ARHGEF17: variants seen among roughly 807,000 people sequenced by gnomAD.
The protein encoded by ARHGEF17 is 164 kDa Rho-specific guanine-nucleotide exchange factor.
Under a neutral mutation model 174.0 loss-of-function variants are expected in ARHGEF17, and 80 were observed. That is an observed-to-expected ratio of 0.46 (90% confidence interval 0.38 to 0.55). The LOEUF (loss-of-function observed/expected upper bound fraction) is 0.55. ARHGEF17 is among the 20% of genes least tolerant of loss of function. The pLI, the probability that ARHGEF17 is intolerant of heterozygous loss-of-function variation, is 0.00. For synonymous variants in ARHGEF17, 1,311 were observed against 1,189.1 expected (o/e 1.10, Z -2.11); for missense variants, 2,886 against 2,839.7 (o/e 1.02, Z -0.37).
chr11:73,313,793 C>A (rs180688676), intron 1 of ARHGEF17, among the ~76,000 whole-genome samples: 4 of 152,236 alleles, frequency 2.6e-5, no homozygotes, highest in African/African-American at 9.6e-5. Flanking sequence ...TCCATCATAT[C>A]CCTGCTCTGT....
At chr11:73,329,322 C>CGT (rs1314272506) in intron 1 of ARHGEF17, among the ~76,000 whole-genome samples, 13 of 15,314 alleles carry the variant, frequency 8.5e-4, no homozygotes, top group African/African-American at 2.9e-3. Flanking sequence ...TGAGAGCTTT[C>CGT]ATATATATAT....
chr11:73,332,363 G>A (rs991691047), intron 1 of ARHGEF17, among the ~76,000 whole-genome samples: 3 of 69,770 alleles, frequency 4.3e-5, no homozygotes, highest in African/African-American at 1.8e-4. Flanking sequence ...GTGTGTGTGT[G>A]TGTGTGTGTG....
At chr11:73,356,584 G>A (rs552048364) in intron 6 of ARHGEF17, 125 bp from the exon 7 acceptor site, 3 of 1,315,196 alleles carry the variant, frequency 2.3e-6, no homozygotes, top group African/African-American at 1.4e-5. Context: ...GGGCATTGAG[G>A]GTGGGAAGCA....
chr11:73,356,126 GCCC>G (rs751130805), intron 5 of ARHGEF17, 46 bp from the exon 6 acceptor site: 1 of 1,605,062 alleles, frequency 6.2e-7, no homozygotes, highest in Non-Finnish European at 8.5e-7. Flanking sequence ...GCAGTCTGGG[GCCC>G]CAGGGGTAGC....
chr11:73,352,916 G>A lies in ARHGEF17; in HGVS notation c.3357G>A (p.Glu1119=), dbSNP rs764825146. The part of the protein sequence containing the change: ...LVDEIFDQIP[E]LLEHHEQFLE... ...ACGAGATCTTCGACCAGATCCCCGA[G>A]CTCCTGGAGCACCACGAGCAATTCC... is the stretch of plus-strand genomic sequence containing the variant. Residue 1119 remains glutamate (E), a synonymous_variant, in exon 3 of 21, where the codon GAG becomes GAA. Coordinates refer to ENST00000263674, the MANE Select transcript of ARHGEF17 (RefSeq NM_014786.4). 32 of 1,614,050 alleles carry A rather than the reference G, an allele frequency of 2.0e-5. No individual in the cohort carries two copies. Among genetic ancestry groups the A allele is most frequent in the Non-Finnish European group, 5.9e-6 (7 of 1,180,056 alleles).
intron 1 of ARHGEF17, among the ~76,000 whole-genome samples, chr11:73,327,288 G>A (rs1017188904): frequency 6.6e-6 from 1 of 152,248 alleles, no homozygotes; most frequent in Non-Finnish European, 1.5e-5. Context: ...CCCTGTCTCA[G>A]CCCAGCTCAG....
intron 20 of ARHGEF17, among the ~76,000 whole-genome samples, chr11:73,366,901 G>A (rs1865848672): frequency 6.6e-6 from 1 of 152,164 alleles, no homozygotes; most frequent in South Asian, 2.1e-4. Context: ...CTAGCTGGGT[G>A]TGGTGGCGGG....
In ARHGEF17 at chr11:73,310,070, C is replaced by G. The variant is rs1212245878; in HGVS notation, c.1432C>G (p.Leu478Val). 2 of 1,614,208 alleles carry G rather than the reference C, an allele frequency of 1.2e-6. No homozygotes were observed. Among genetic ancestry groups the G allele is most frequent in the Non-Finnish European group, 8.5e-7 (1 of 1,180,026 alleles). Residue 478 changes from leucine to valine, a missense_variant, in exon 1 of 21, where the codon CTG becomes GTG. Physicochemically the swap from Leu to Val is conservative, Grantham distance 32 (BLOSUM62 1). Transcript: ENST00000263674. ...AGAGACCCTGACGCTTCTCAGTTTC[C>G]TGCGCTCAGACCTTTCAGAGCTGAG... ...ASETLTLLSF[L>V]RSDLSELRVR...
At position 73,357,009 on chromosome 11, in the gene ARHGEF17, G is replaced by A. The variant is rs1865653878; in HGVS notation, c.3892-16G>A. On this transcript the variant is annotated splice_polypyrimidine_tract_variant and intron_variant, in intron 7 of 20. Coordinates refer to ENST00000263674, the MANE Select transcript of ARHGEF17 (RefSeq NM_014786.4). ...ACTGTGTCCACCCAGCCTGAATTCT[G>A]CCTTGGGCTCCACAGAAGGCGATCG... is the stretch of plus-strand genomic sequence containing the variant. 6.2e-7 allele frequency: 1 copy of A among 1,613,582 alleles called. No individual in the cohort carries two copies. The highest frequency in any genetic ancestry group is 1.7e-5 in the Admixed American group (1 of 59,988).
At chr11:73,359,460 C>T (rs1172611975) in intron 9 of ARHGEF17, among the ~76,000 whole-genome samples, 1 of 152,242 alleles carries the variant, frequency 6.6e-6, no homozygotes, top group Admixed American at 6.5e-5. Context: ...CATTTGACTG[C>T]CTGGGGCTCT....
chr11:73,352,156 C>T (rs899749361), intron 2 of ARHGEF17, among the ~76,000 whole-genome samples: 1 of 152,016 alleles, frequency 6.6e-6, no homozygotes, highest in African/African-American at 2.4e-5. Context: ...AACCCTGTCT[C>T]TATGAAAAAT....
rs1281721833 is a variant in ARHGEF17 at position 73,362,597 on chromosome 11, C to T, written c.4859C>T (p.Thr1620Met). The part of the protein sequence containing the change: ...ISIAGSGLEM[T>M]PGLGEGDPRP... ...ATTGCAGGCTCGGGCTTGGAGATGA[C>T]GCCGGGCCTCGGCGAGGGTGACCCC... is the stretch of plus-strand genomic sequence containing the variant. The change falls in exon 14 of 21, where the codon ACG (threonine) becomes ATG (methionine). Residue 1620 changes from threonine to methionine, a missense_variant. Thr to Met is a moderately conservative substitution (Grantham distance 81). Around this residue, in one of 4 missense-constraint regions of ARHGEF17, gnomAD observed 476 missense variants for 473.1 expected, o/e 1.01. Transcript: ENST00000263674. The T allele has an allele frequency of 1.2e-6, 2 of 1,610,630 alleles. No homozygotes were observed. The highest frequency in any genetic ancestry group is 1.1e-5 in the South Asian group (1 of 91,078).
intron 1 of ARHGEF17, among the ~76,000 whole-genome samples, chr11:73,340,169 T>C (rs1403544015): frequency 2.0e-5 from 3 of 152,124 alleles, no homozygotes; most frequent in South Asian, 2.1e-4. Context: ...GACCAACCCA[T>C]GTGCTCCTGT....
intron 1 of ARHGEF17, among the ~76,000 whole-genome samples, chr11:73,339,407 A>C (rs777701519): frequency 6.6e-6 from 1 of 152,166 alleles, no homozygotes; most frequent in Non-Finnish European, 1.5e-5. Flanking sequence ...TTTATTATTT[A>C]TTCATTTATC....
intron 1 of ARHGEF17, among the ~76,000 whole-genome samples, chr11:73,319,337 C>T (rs954946441): frequency 2.0e-5 from 3 of 152,194 alleles, no homozygotes; most frequent in Non-Finnish European, 4.4e-5. Context: ...GCTGGAATTA[C>T]AGGCGTGAGC....
chr11:73,356,368 C>T lies in ARHGEF17; in HGVS notation c.3840+17C>T, dbSNP rs1427726876. ...ATGGAGGATGTGCGTGCGCCCTGCC[C>T]CACCCCACCCTACCCCACCCCACCC... On this transcript the variant is annotated intron_variant, in intron 6 of 20. Coordinates refer to ENST00000263674, the MANE Select transcript of ARHGEF17 (RefSeq NM_014786.4). 1 of 1,587,244 alleles carries T rather than the reference C, an allele frequency of 6.3e-7. No individual in the cohort carries two copies. Among genetic ancestry groups the T allele is most frequent in the African/African-American group, 1.3e-5 (1 of 74,468 alleles).
intron 1 of ARHGEF17, among the ~76,000 whole-genome samples, chr11:73,320,508 C>T (rs117066796): frequency 0.068 from 10,304 of 150,994 alleles, 428 homozygotes; most frequent in Non-Finnish European, 0.1. Flanking sequence ...GTAGTCCTAG[C>T]TACTCAGGAG....
At chr11:73,331,670 T>C (rs1425475403) in intron 1 of ARHGEF17, among the ~76,000 whole-genome samples, 2 of 152,026 alleles carry the variant, frequency 1.3e-5, no homozygotes, top group Non-Finnish European at 2.9e-5. Flanking sequence ...TCTCATTTGT[T>C]TTCCAAAGGA....
At position 73,365,313 on chromosome 11, in the gene ARHGEF17, C is replaced by A; in HGVS notation, c.5551-77C>A. 2 of 1,536,498 alleles carry A rather than the reference C, an allele frequency of 1.3e-6. No individual in the cohort carries two copies. Among genetic ancestry groups the A allele is most frequent in the Non-Finnish European group, 8.9e-7 (1 of 1,122,812 alleles). ...TAGTGTGAGTTGTGAGGGATGGACA[C>A]TGGTGAAGCTCCAGGCTAGGGTGGG... On this transcript the variant is annotated intron_variant, in intron 18 of 20. Coordinates refer to ENST00000263674, the MANE Select transcript of ARHGEF17 (RefSeq NM_014786.4). This position sits in a 1 kb window ranked among gnomAD's most constrained non-coding sequence, Gnocchi z 4.9.
Sources: gnomAD v4.1 joint callset for allele counts (sites outside exome capture counted in the v4.1 genomes callset) on GRCh38, gnomAD v4.1.1 for gene constraint, gnomAD v4.1.1 regional missense constraint, Gnocchi (gnomAD v3.1) non-coding constraint, MANE v1.5 for transcripts, NCBI Gene and HGNC (gene_info 2026-07-23, HGNC 2026-07-21) for gene names.